PLCB1: variants seen among roughly 807,000 people sequenced by gnomAD.
PLCB1 encodes phospholipase C beta 1.
In PLCB1, 46 loss-of-function variants were observed where a neutral mutation model predicts 161.8. That is an observed-to-expected ratio of 0.28 (90% confidence interval 0.22 to 0.36). The LOEUF (loss-of-function observed/expected upper bound fraction) is 0.36. PLCB1 is among the 10% of genes least tolerant of loss of function. PLCB1 has a pLI of 1.00. For synonymous variants in PLCB1, 517 were observed against 503.7 expected (o/e 1.03, Z -0.35); for missense variants, 1,016 against 1,472.5 (o/e 0.69, Z 5.07).
intron 9 of PLCB1, among the ~76,000 whole-genome samples, chr20:8,677,492 C>A (rs571041803): frequency 6.6e-6 from 1 of 151,978 alleles, no homozygotes; most frequent in Non-Finnish European, 1.5e-5. Context: ...TTTTTCCAAA[C>A]AAGACAACAG....
intron 2 of PLCB1, among the ~76,000 whole-genome samples, chr20:8,284,593 A>AAGAAT (rs2123290338): frequency 6.6e-6 from 1 of 152,246 alleles, no homozygotes; most frequent in African/African-American, 2.4e-5. Flanking sequence ...AAGAAAAGAA[A>AAGAAT]TTATTGCTCT....
intron 3 of PLCB1, among the ~76,000 whole-genome samples, chr20:8,605,928 A>G (rs1987745629): frequency 6.6e-6 from 1 of 152,146 alleles, no homozygotes; most frequent in Admixed American, 6.5e-5. Context: ...TATTTCTTTT[A>G]GGATAATGGC....
chr20:8,847,254 G>GCT (rs1228724565), intron 31 of PLCB1, among the ~76,000 whole-genome samples: 1 of 152,122 alleles, frequency 6.6e-6, no homozygotes, highest in Non-Finnish European at 1.5e-5. Context: ...ACAAAAGAAA[G>GCT]CTCTCAATCT....
chr20:8,492,871 TG>T (rs1297297486), intron 3 of PLCB1, among the ~76,000 whole-genome samples: 3 of 150,608 alleles, frequency 2.0e-5, no homozygotes, highest in Non-Finnish European at 2.9e-5. Context: ...TGTGTGTGTG[TG>T]TGCATTTTTA....
chr20:8,811,105 G>A (rs1372468566), intron 31 of PLCB1, among the ~76,000 whole-genome samples: 2 of 152,186 alleles, frequency 1.3e-5, no homozygotes, highest in African/African-American at 4.8e-5. Flanking sequence ...TGAGTATGAA[G>A]GGCATGATCC....
At chr20:8,783,969 T>G (rs1242531254) in intron 27 of PLCB1, among the ~76,000 whole-genome samples, 1 of 152,084 alleles carries the variant, frequency 6.6e-6, no homozygotes, top group Non-Finnish European at 1.5e-5. Context: ...AGCATGTGGG[T>G]GAGGCCATTC....
At chr20:8,741,366 A>G in intron 22 of PLCB1, 98 bp from the exon 23 acceptor site, 3 of 749,974 alleles carry the variant, frequency 4.0e-6, no homozygotes, top group Non-Finnish European at 6.9e-6. Context: ...TGATGAATGA[A>G]TGCATGGACT....
intron 2 of PLCB1, among the ~76,000 whole-genome samples, chr20:8,239,951 C>T (rs574766156): frequency 7.2e-5 from 11 of 151,854 alleles, no homozygotes; most frequent in Admixed American, 3.3e-4. Context: ...CCTTTTAAGA[C>T]GATAGGTAAT....
chr20:8,166,303 A>T (rs1386582597), intron 2 of PLCB1, among the ~76,000 whole-genome samples: 1 of 152,130 alleles, frequency 6.6e-6, no homozygotes, highest in Admixed American at 6.5e-5. Flanking sequence ...ACATTTTAAA[A>T]CATGCTGGCC....
At chr20:8,817,123 A>G (rs1985118965) in intron 31 of PLCB1, among the ~76,000 whole-genome samples, 1 of 152,246 alleles carries the variant, frequency 6.6e-6, no homozygotes, top group Non-Finnish European at 1.5e-5. Flanking sequence ...TGTTGCTGAT[A>G]TAATCTAAGA....
intron 2 of PLCB1, among the ~76,000 whole-genome samples, chr20:8,250,184 G>A (rs759333954): frequency 7.9e-5 from 12 of 151,820 alleles, no homozygotes; most frequent in Non-Finnish European, 1.0e-4. Context: ...TCTGATGGGC[G>A]CCATCCCATA....
rs542309193 is a variant in PLCB1 at position 8,694,238 on chromosome 20, A to T, written c.1010-3388A>T. ...TTTCCATAAATGAAGTAAAACATAC[A>T]GGGAACCTAATATGCATTCCAAGGA... On this transcript the variant is annotated intron_variant, in intron 10 of 31. Transcript: ENST00000338037. Among the ~76,000 whole-genome samples the T allele has an allele frequency of 1.7e-4, 26 of 152,320 alleles. No individual in the cohort carries two copies. The South Asian group carries it at 3.5e-3, about 21-fold the overall frequency.
At chr20:8,143,636 T>C (rs2051425609) in intron 1 of PLCB1, among the ~76,000 whole-genome samples, 2 of 152,188 alleles carry the variant, frequency 1.3e-5, no homozygotes, top group Non-Finnish European at 2.9e-5. Context: ...ACAAGTGGGA[T>C]TTAGGCCAGC....
intron 2 of PLCB1, among the ~76,000 whole-genome samples, chr20:8,257,093 T>G (rs952828835): frequency 2.0e-5 from 3 of 152,168 alleles, no homozygotes; most frequent in African/African-American, 7.2e-5. Context: ...TCTCCAGAGA[T>G]ACCTCTAAAA....
intron 27 of PLCB1, among the ~76,000 whole-genome samples, chr20:8,778,002 A>G (rs1983030385): frequency 6.6e-6 from 1 of 152,070 alleles, no homozygotes. Flanking sequence ...TGCCCCCATG[A>G]TTCATTACCT....
chr20:8,154,694 G>C (rs1256144596), intron 2 of PLCB1, among the ~76,000 whole-genome samples: 1 of 152,136 alleles, frequency 6.6e-6, no homozygotes, highest in Non-Finnish European at 1.5e-5. Flanking sequence ...CTAGTAAACT[G>C]TGTATATTAT....
chr20:8,382,643 G>A (rs567378738), intron 3 of PLCB1, among the ~76,000 whole-genome samples: 49 of 151,196 alleles, frequency 3.2e-4, no homozygotes, highest in Middle Eastern at 3.4e-3. Flanking sequence ...CCACCTCCCG[G>A]GTTCACACCA....
chr20:8,799,922 G>GA (rs997124757), intron 31 of PLCB1, among the ~76,000 whole-genome samples: 1 of 152,148 alleles, frequency 6.6e-6, no homozygotes, highest in African/African-American at 2.4e-5. Context: ...ATCATGTCAA[G>GA]AAAAAATGTC....
chr20:8,862,129 T>C (rs1987278379), intron 31 of PLCB1, among the ~76,000 whole-genome samples: 2 of 152,258 alleles, frequency 1.3e-5, no homozygotes, highest in Non-Finnish European at 2.9e-5. Context: ...AGTAATATAT[T>C]TCCTCTTGTA....
Sources: allele counts gnomAD v4.1 joint callset (sites outside exome capture counted in the v4.1 genomes callset), GRCh38; gene constraint gnomAD v4.1.1; transcripts MANE v1.5; gene names NCBI Gene and HGNC (gene_info 2026-07-23, HGNC 2026-07-21).